Variants in PAFAH1B2 observed in about 807,000 individuals in gnomAD.
PAFAH1B2 encodes platelet-activating factor acetylhydrolase IB subunit alpha2.
In PAFAH1B2, 8 loss-of-function variants were observed where a neutral mutation model predicts 28.0. The ratio of observed to expected loss-of-function variants is 0.29; its 90% CI spans 0.17 to 0.52. The LOEUF (loss-of-function observed/expected upper bound fraction) is 0.52. PAFAH1B2 is among the 20% of genes least tolerant of loss of function. The pLI is 0.97. For missense variants in PAFAH1B2, 190 were observed against 282.6 expected, an observed-to-expected ratio of 0.67 and a Z score of 2.35; for synonymous variants, 104 against 103.2, an observed-to-expected ratio of 1.01 and a Z score of -0.05.
At chr11:117,146,964 TCAAAAAAAA>T (rs1956025932) in intron 1 of PAFAH1B2, among the ~76,000 whole-genome samples, 1 of 147,062 alleles carries the variant, frequency 6.8e-6, no homozygotes, top group African/African-American at 2.5e-5. Context: ...AAGCCCTATC[TCAAAAAAAA>T]CAAAAAAAAA....
In PAFAH1B2 at chr11:117,159,646, G is replaced by T. The variant is rs1956325527; in HGVS notation, c.82-288G>T. ...GCTATTCAGGTGACTGAGGTGGGAA[G>T]ATGACTTGAGCCCCTGAAGCAGAAG... On this transcript the variant is annotated intron_variant, in intron 2 of 5. Transcript: ENST00000527958. 9.8e-6 allele frequency: 3 copies of T among 307,448 alleles called. No homozygotes were observed. In the South Asian group the frequency reaches 2.1e-4, roughly 21 times the overall value. The allele number at this position is 307,448 out of a possible 1,614,324, so 19.0% of individuals were successfully genotyped here.
downstream of PAFAH1B2, among the ~76,000 whole-genome samples, chr11:117,174,164 T>TTGTGTGTG (rs55735449): frequency 0.12 from 16,001 of 138,722 alleles, 1,152 homozygotes; most frequent in Non-Finnish European, 0.16. Context: ...TTCATGTCTT[T>TTGTGTGTG]TGTGTGTGTG....
At position 117,170,378 on chromosome 11, in the gene PAFAH1B2, C is replaced by CT; in HGVS notation, c.*2680dup. On this transcript the variant is annotated 3_prime_UTR_variant, in exon 6 of 6. Transcript: ENST00000527958. The stretch of plus-strand genomic sequence containing the variant: ...TACTAGATGGCAGCCAGTGATGGAA[C>CT]TATAAAGATGTCTGTGGTCATATGT... 1 of 1,059,168 alleles carries CT rather than the reference C, an allele frequency of 9.4e-7. No homozygotes were observed. The highest frequency in any genetic ancestry group is 1.1e-6 in the Non-Finnish European group (1 of 876,736). 65.6% of individuals were successfully genotyped at this position (1,059,168 alleles called of 1,614,324 possible).
downstream of PAFAH1B2, among the ~76,000 whole-genome samples, chr11:117,174,080 G>A (rs572898599): frequency 3.3e-5 from 5 of 151,620 alleles, no homozygotes; most frequent in Non-Finnish European, 5.9e-5. Context: ...TACCTCCCAG[G>A]TTCCTAAATA....
At chr11:117,152,605 A>G in intron 2 of PAFAH1B2, 77 bp downstream of exon 2, 2 of 1,015,848 alleles carry the variant, frequency 2.0e-6, no homozygotes, top group Non-Finnish European at 3.1e-6. Flanking sequence ...AGTTTTTGAG[A>G]CAAGGTCTCA....
At chr11:117,153,621 C>T (rs1369017552) in intron 2 of PAFAH1B2, among the ~76,000 whole-genome samples, 1 of 152,060 alleles carries the variant, frequency 6.6e-6, no homozygotes, top group Admixed American at 6.6e-5. Context: ...AAACTCCTGA[C>T]CTCAAGTGAT....
At position 117,149,430 on chromosome 11, in the gene PAFAH1B2, G is replaced by GT. The variant is rs746125678; in HGVS notation, c.-7-2997dup. Among the ~76,000 whole-genome samples the GT allele has an allele frequency of 3.4e-3, 290 of 86,084 alleles. 46 individuals carry two copies. Among genetic ancestry groups the GT allele is most frequent in the African/African-American group, 6.2e-3 (133 of 21,584 alleles). The allele number at this position is 86,084 out of a possible 152,430, so 56.5% of individuals were successfully genotyped here. On this transcript the variant is annotated intron_variant, in intron 1 of 5. Coordinates refer to ENST00000527958, the MANE Select transcript of PAFAH1B2 (RefSeq NM_002572.4). ...TTAATTTAAAAAAAGTTTTCTAATC[G>GT]TTTTTTTTTTTTTTGAGATGGAGTC...
At chr11:117,175,547 T>C, downstream of PAFAH1B2, 2 of 1,106,512 alleles carry the variant, frequency 1.8e-6, no homozygotes, top group Non-Finnish European at 2.2e-6. Flanking sequence ...CTTGGATGGA[T>C]TTCTCTCCAG....
intron 2 of PAFAH1B2, among the ~76,000 whole-genome samples, chr11:117,157,368 C>G (rs890969644): frequency 6.6e-6 from 1 of 151,944 alleles, no homozygotes; most frequent in Admixed American, 6.6e-5. Context: ...TCTTGAACTC[C>G]TGAGCTCATG....
intron 1 of PAFAH1B2, among the ~76,000 whole-genome samples, chr11:117,144,870 G>A (rs1047292834): frequency 6.6e-6 from 1 of 152,138 alleles, no homozygotes; most frequent in African/African-American, 2.4e-5. Flanking sequence ...TTTATCACAG[G>A]GGTCTAACTT....
downstream of PAFAH1B2, among the ~76,000 whole-genome samples, chr11:117,177,045 C>T (rs541761288): frequency 5.3e-4 from 81 of 151,486 alleles, 1 homozygote; most frequent in Middle Eastern, 3.4e-3. Context: ...CCGTCTCTAC[C>T]AAAAATACAA....
chr11:117,165,852 T>A (rs866827696), intron 5 of PAFAH1B2, among the ~76,000 whole-genome samples: 8 of 149,034 alleles, frequency 5.4e-5, no homozygotes, highest in East Asian at 2.0e-4. Context: ...TTTTTTTTTT[T>A]AATTTGAGAT....
intron 5 of PAFAH1B2, among the ~76,000 whole-genome samples, chr11:117,166,701 A>C (rs1956519462): frequency 6.6e-6 from 1 of 152,228 alleles, no homozygotes; most frequent in Non-Finnish European, 1.5e-5. Context: ...GCTCTGATTC[A>C]TCAAGACAGC....
chr11:117,171,154 C>A, downstream of PAFAH1B2: 1 of 736,390 alleles, frequency 1.4e-6, no homozygotes, highest in Non-Finnish European at 1.7e-6. Flanking sequence ...GATGATCCTG[C>A]TTCTTTACTG....
At chr11:117,166,480 G>T (rs762388439) in intron 5 of PAFAH1B2, among the ~76,000 whole-genome samples, 3 of 152,198 alleles carry the variant, frequency 2.0e-5, no homozygotes, top group Non-Finnish European at 4.4e-5. Flanking sequence ...GGAAATGATT[G>T]TATAAGTCAT....
chr11:117,174,639 C>T (rs1484329298), downstream of PAFAH1B2, among the ~76,000 whole-genome samples: 4 of 152,110 alleles, frequency 2.6e-5, no homozygotes, highest in East Asian at 1.9e-4. Flanking sequence ...CCACCACGCC[C>T]GGCTAATTTT....
Position 117,154,895 on chromosome 11 carries a change from A to G in PAFAH1B2, c.81+2367A>G, listed in dbSNP as rs537266285. On this transcript the variant is annotated intron_variant, in intron 2 of 5. Coordinates refer to ENST00000527958, the MANE Select transcript of PAFAH1B2 (RefSeq NM_002572.4). ...CCATAAATGATTGCTGTAGCTGGTA[A>G]TTGATACATGGAGGTTTATTCTCTC... Among the ~76,000 whole-genome samples, 23 of 152,306 alleles carry G rather than the reference A, an allele frequency of 1.5e-4. No individual in the cohort carries two copies. In the South Asian group the frequency reaches 4.6e-3, roughly 30 times the overall value.
chr11:117,160,228 A>G (rs1452106869), intron 3 of PAFAH1B2, among the ~76,000 whole-genome samples: 2 of 152,162 alleles, frequency 1.3e-5, no homozygotes, highest in Non-Finnish European at 2.9e-5. Flanking sequence ...CATTGTTTAT[A>G]ATGAAACTTC....
chr11:117,152,939 GCCTATAGT>G (rs1956184281), intron 2 of PAFAH1B2, among the ~76,000 whole-genome samples: 1 of 152,162 alleles, frequency 6.6e-6, no homozygotes, highest in African/African-American at 2.4e-5. Flanking sequence ...GGTGGCAGGC[GCCTATAGT>G]CCCAGTTACT....
Sources: allele counts gnomAD v4.1 joint callset (sites outside exome capture counted in the v4.1 genomes callset), GRCh38; gene constraint gnomAD v4.1.1; transcripts MANE v1.5; gene names NCBI Gene and HGNC (gene_info 2026-07-23, HGNC 2026-07-21).